Variants in GRIK4 observed in about 807,000 individuals in gnomAD.
GRIK4 encodes the protein glutamate ionotropic receptor kainate type subunit 4, also known as glutamate receptor ionotropic, kainate 4.
In GRIK4, 40 loss-of-function variants were observed where a neutral mutation model predicts 104.9. The ratio of observed to expected loss-of-function variants is 0.38; its 90% CI spans 0.30 to 0.50. The LOEUF (loss-of-function observed/expected upper bound fraction) is 0.50, where lower values mean the gene tolerates loss of function less well. GRIK4 is among the 20% of genes least tolerant of loss of function. The pLI is 0.93. For synonymous variants in GRIK4, 485 were observed against 524.9 expected (o/e 0.92, Z 1.04); for missense variants, 1,047 against 1,308.1 (o/e 0.80, Z 3.08).
chr11:120,857,447 T>C (rs1362599634), intron 8 of GRIK4, among the ~76,000 whole-genome samples: 1 of 152,150 alleles, frequency 6.6e-6, no homozygotes, highest in African/African-American at 2.4e-5. Flanking sequence ...TATAGCTATT[T>C]GGACCCTTAC....
chr11:120,819,047 G>C lies in GRIK4; in HGVS notation c.346-708G>C, dbSNP rs1953035112. Reference sequence around the variant, plus strand: ...AAGAGAGGCAGAAGGCAGGACAGTGGGTCCTGGAAATGTCAGTAATAGATG... The same window carrying C: ...AAGAGAGGCAGAAGGCAGGACAGTGCGTCCTGGAAATGTCAGTAATAGATG... On this transcript the variant is annotated intron_variant, in intron 5 of 20. Transcript: ENST00000527524. This position sits in a 1 kb window ranked among gnomAD's most constrained non-coding sequence, Gnocchi z 4.3. Among the ~76,000 whole-genome samples, 1 of 152,192 alleles carries C rather than the reference G, an allele frequency of 6.6e-6. No individual in the cohort carries two copies. Among genetic ancestry groups the C allele is most frequent in the Non-Finnish European group, 1.5e-5 (1 of 68,030 alleles).
At chr11:120,614,871 C>T (rs535373357) in intron 1 of GRIK4, among the ~76,000 whole-genome samples, 70 of 152,192 alleles carry the variant, frequency 4.6e-4, no homozygotes, top group East Asian at 3.7e-3. Flanking sequence ...TGGTGGCGGG[C>T]GCTTGTAGTC....
intron 11 of GRIK4, among the ~76,000 whole-genome samples, chr11:120,876,745 C>A (rs1043019883): frequency 1.4e-4 from 21 of 152,190 alleles, no homozygotes; most frequent in African/African-American, 4.6e-4. Flanking sequence ...AAGTTCTTAA[C>A]CATTACAACA....
intron 11 of GRIK4, among the ~76,000 whole-genome samples, chr11:120,895,092 G>A (rs542318998): frequency 6.6e-6 from 1 of 152,256 alleles, no homozygotes; most frequent in Admixed American, 6.5e-5. Context: ...TGCTCAGGCT[G>A]TTGGATCTGG....
At position 120,798,598 on chromosome 11, in the gene GRIK4, T is replaced by A. The variant is rs564334284; in HGVS notation, c.83-4095T>A. ...GGGTTCAAGCGGTTCTCGTGCCTCA[T>A]CCTCCCCAGTAGCTGGGATTACACG... On this transcript the variant is annotated intron_variant, in intron 3 of 20. Coordinates refer to ENST00000527524, the MANE Select transcript of GRIK4 (RefSeq NM_014619.5). 5.3e-5 allele frequency among the ~76,000 whole-genome samples: 8 copies of A among 152,224 alleles called. No individual in the cohort carries two copies. In the East Asian group the frequency reaches 9.7e-4, roughly 18 times the overall value.
At chr11:120,636,795 G>A (rs1458365666) in intron 1 of GRIK4, among the ~76,000 whole-genome samples, 1 of 152,060 alleles carries the variant, frequency 6.6e-6, no homozygotes, top group Non-Finnish European at 1.5e-5. Flanking sequence ...AGCCAAGATC[G>A]TGCCATTGCA....
chr11:120,673,704 CA>C (rs980999701), intron 3 of GRIK4, among the ~76,000 whole-genome samples: 5 of 152,224 alleles, frequency 3.3e-5, no homozygotes, highest in African/African-American at 1.2e-4. Context: ...GGACTATGGT[CA>C]GACCTTTTTG....
At chr11:120,597,592 C>T (rs959283561) in intron 1 of GRIK4, among the ~76,000 whole-genome samples, 1 of 152,226 alleles carries the variant, frequency 6.6e-6, no homozygotes, top group Non-Finnish European at 1.5e-5. Flanking sequence ...GCCTCTCAGT[C>T]TTACTTGGCT....
Position 120,511,842 on chromosome 11 carries a change from C to T in GRIK4, c.-204C>T. ...AACAGCAGCCCCGCGGCCGGCCCGG[C>T]AGCGCCCGGCCCCCGGCTCAGCCCC... On this transcript the variant is annotated 5_prime_UTR_variant, in exon 1 of 21. Transcript: ENST00000527524. 2 of 352,692 alleles carry T rather than the reference C, an allele frequency of 5.7e-6. No individual in the cohort carries two copies. Among genetic ancestry groups the T allele is most frequent in the South Asian group, 1.9e-5 (1 of 52,750 alleles). 21.8% of individuals were successfully genotyped at this position (352,692 alleles called of 1,614,324 possible).
chr11:120,760,189 G>A (rs1951722419), intron 3 of GRIK4, among the ~76,000 whole-genome samples: 1 of 151,600 alleles, frequency 6.6e-6, no homozygotes, highest in East Asian at 1.9e-4. Context: ...TATTCTCTGT[G>A]TATGTGAGTT....
intron 14 of GRIK4, among the ~76,000 whole-genome samples, chr11:120,942,112 G>C (rs1943739754): frequency 6.6e-6 from 1 of 152,226 alleles, no homozygotes; most frequent in African/African-American, 2.4e-5. Context: ...TGAATCACTT[G>C]CATAGGGCAC....
At chr11:120,586,879 G>C (rs1158728136) in intron 1 of GRIK4, among the ~76,000 whole-genome samples, 6 of 152,180 alleles carry the variant, frequency 3.9e-5, no homozygotes, top group African/African-American at 1.4e-4. Flanking sequence ...AGGCATAGTA[G>C]TGAGGGGAGG....
At chr11:120,641,037 T>C (rs1949465064) in intron 1 of GRIK4, among the ~76,000 whole-genome samples, 1 of 152,248 alleles carries the variant, frequency 6.6e-6, no homozygotes, top group African/African-American at 2.4e-5. Context: ...TTTTTAACGA[T>C]GGTGCAACTT....
chr11:120,590,152 A>G (rs1948717036), intron 1 of GRIK4, among the ~76,000 whole-genome samples: 1 of 152,040 alleles, frequency 6.6e-6, no homozygotes, highest in African/African-American at 2.4e-5. Flanking sequence ...TAGTGTTTCA[A>G]CCAGAGCCTT....
intron 3 of GRIK4, among the ~76,000 whole-genome samples, chr11:120,745,480 A>G (rs1256221314): frequency 1.3e-5 from 2 of 152,194 alleles, no homozygotes; most frequent in Non-Finnish European, 2.9e-5. Context: ...CTAATGTACT[A>G]TCATTGAACT....
chr11:120,571,538 C>T (rs1304974886), intron 1 of GRIK4, among the ~76,000 whole-genome samples: 1 of 152,148 alleles, frequency 6.6e-6, no homozygotes, highest in Non-Finnish European at 1.5e-5. Context: ...AGAATTGTGA[C>T]TCAAACCCAG....
intron 1 of GRIK4, among the ~76,000 whole-genome samples, chr11:120,551,831 C>T (rs775828720): frequency 3.3e-5 from 5 of 151,988 alleles, no homozygotes; most frequent in Non-Finnish European, 4.4e-5. Context: ...TTAACAGTCA[C>T]GTCTATCCAA....
intron 3 of GRIK4, among the ~76,000 whole-genome samples, chr11:120,730,899 TA>T (rs1255270276): frequency 6.6e-6 from 1 of 152,228 alleles, no homozygotes; most frequent in Admixed American, 6.5e-5. Flanking sequence ...CTACTGATTT[TA>T]TATGTGGATT....
chr11:120,680,728 C>A (rs989897266), intron 3 of GRIK4, among the ~76,000 whole-genome samples: 1 of 152,102 alleles, frequency 6.6e-6, no homozygotes, highest in Admixed American at 6.6e-5. Flanking sequence ...AGTTATGCAA[C>A]CTGAAATAGG....
Sources: gnomAD v4.1 joint callset for allele counts (sites outside exome capture counted in the v4.1 genomes callset) on GRCh38, gnomAD v4.1.1 for gene constraint, Gnocchi (gnomAD v3.1) non-coding constraint, MANE v1.5 for transcripts, NCBI Gene and HGNC (gene_info 2026-07-23, HGNC 2026-07-21) for gene names.